Variants in NELL1 observed in about 807,000 individuals in gnomAD.
NELL1 encodes neural EGFL like 1.
NELL1 carries 76 observed loss-of-function variants against 107.4 expected under a neutral mutation model. That is an observed-to-expected ratio of 0.71 (90% CI 0.59 to 0.86). The LOEUF is 0.86. NELL1 is among the 40% of genes least tolerant of loss of function. NELL1 has a pLI of 0.00. For synonymous variants in NELL1, 353 were observed against 341.2 expected (o/e 1.03, Z -0.38); for missense variants, 1,024 against 1,005.5 (o/e 1.02, Z -0.25).
intron 3 of NELL1, 42 bp from the exon 4 acceptor site, chr11:20,847,541 C>A: frequency 2.5e-6 from 4 of 1,584,664 alleles, no homozygotes; most frequent in South Asian, 1.2e-5. Flanking sequence ...GCTGTGATAT[C>A]CAGAACTAAA....
intron 15 of NELL1, among the ~76,000 whole-genome samples, chr11:21,420,187 G>A (rs567031500): frequency 1.4e-3 from 212 of 152,114 alleles, no homozygotes; most frequent in African/African-American, 4.7e-3. Context: ...CAACTTTGTC[G>A]CATAACAAGT....
intron 12 of NELL1, among the ~76,000 whole-genome samples, chr11:20,988,423 A>G (rs1159184387): frequency 7.9e-6 from 1 of 126,108 alleles, no homozygotes; most frequent in African/African-American, 3.4e-5. Context: ...ACATGTACAT[A>G]TGTGTGTATA....
chr11:20,755,865 GTTTTTTTTTTTTTTTTTTTTTT>G (rs574606148), intron 2 of NELL1, among the ~76,000 whole-genome samples: 12 of 122,066 alleles, frequency 9.8e-5, no homozygotes, highest in Non-Finnish European at 1.3e-4. Context: ...CAGACCTGCG[GTTTTTTTTTTTTTTTTTTTTTT>G]TTTTTTTTTT....
rs68140364 is a variant in NELL1 at position 20,981,956 on chromosome 11, T to TTCTCTCTCTCTCTC, written c.1300+21408_1300+21421dup. Among the ~76,000 whole-genome samples, 453 of 148,622 alleles carry TTCTCTCTCTCTCTC rather than the reference T, an allele frequency of 3.0e-3. 1 individual carries two copies. The highest frequency in any genetic ancestry group is 0.013 in the East Asian group (67 of 5,032). On this transcript the variant is annotated intron_variant, in intron 12 of 19. Coordinates refer to ENST00000357134, the MANE Select transcript of NELL1 (RefSeq NM_006157.5). ...ACAATGTCACCAGGGCTCTCTCTCT[T>TTCTCTCTCTCTCTC]TCTCTCTCTCTCTCTCTCTCTCTCT...
chr11:20,712,586 C>G (rs906168753), intron 2 of NELL1, among the ~76,000 whole-genome samples: 1 of 152,080 alleles, frequency 6.6e-6, no homozygotes, highest in Non-Finnish European at 1.5e-5. Flanking sequence ...TTTTTTGGTT[C>G]CTTCTCTTTT....
At chr11:21,439,867 C>T (rs1853233540) in intron 15 of NELL1, among the ~76,000 whole-genome samples, 1 of 152,072 alleles carries the variant, frequency 6.6e-6, no homozygotes, top group African/African-American at 2.4e-5. Flanking sequence ...TTTCCAAACT[C>T]TTACTATATT....
Position 21,181,601 on chromosome 11 carries a change from G to A in NELL1, c.1427-47731G>A, listed in dbSNP as rs1264028409. 3.9e-5 allele frequency among the ~76,000 whole-genome samples: 6 copies of A among 151,924 alleles called. No individual in the cohort carries two copies. In the East Asian group the frequency reaches 9.7e-4, roughly 24 times the overall value. ...TTTAAGGAAACAGCTGGGAAATTAT[G>A]CCTCTTGTTTGCTGTCTCTGAACTA... is the stretch of plus-strand genomic sequence containing the variant. On this transcript the variant is annotated intron_variant, in intron 13 of 19. Transcript: ENST00000357134.
chr11:21,435,691 A>G lies in NELL1; in HGVS notation c.1645+64743A>G, dbSNP rs116464492. ...GATAAATCCCATTTGATCATGGTGT[A>G]TTATATGTTGGTGTATTGCTGGGTT... On this transcript the variant is annotated intron_variant, in intron 15 of 19. Transcript: ENST00000357134. Among the ~76,000 whole-genome samples, 821 of 151,918 alleles carry G rather than the reference A, an allele frequency of 5.4e-3. 6 individuals are homozygous for G. Among genetic ancestry groups the G allele is most frequent in the African/African-American group, 0.017 (703 of 41,446 alleles).
At chr11:21,472,554 G>A (rs147473944) in intron 15 of NELL1, among the ~76,000 whole-genome samples, 10 of 152,010 alleles carry the variant, frequency 6.6e-5, no homozygotes, top group East Asian at 1.9e-4. Flanking sequence ...TACTTGTTAC[G>A]TGTCTTGTTA....
chr11:20,765,340 T>A (rs1856506900), intron 2 of NELL1, among the ~76,000 whole-genome samples: 1 of 152,192 alleles, frequency 6.6e-6, no homozygotes, highest in African/African-American at 2.4e-5. Context: ...GGATTACCAG[T>A]CATCCATCCA....
chr11:20,736,023 C>G (rs1422746091), intron 2 of NELL1, among the ~76,000 whole-genome samples: 1 of 151,844 alleles, frequency 6.6e-6, no homozygotes, highest in Admixed American at 6.6e-5. Context: ...GTAAGCTGAT[C>G]CTTGGCATCA....
At chr11:20,918,334 C>A in intron 6 of NELL1, 80 bp downstream of exon 6, 2 of 867,522 alleles carry the variant, frequency 2.3e-6, no homozygotes, top group South Asian at 1.5e-5. Context: ...AAAGATAGAC[C>A]CAAATTGTTT....
intron 13 of NELL1, among the ~76,000 whole-genome samples, chr11:21,167,516 G>A (rs1212212204): frequency 6.6e-6 from 1 of 151,800 alleles, no homozygotes; most frequent in Non-Finnish European, 1.5e-5. Flanking sequence ...AAGAAATAGG[G>A]AACTTTTCCT....
intron 13 of NELL1, among the ~76,000 whole-genome samples, chr11:21,156,345 C>T (rs1291643758): frequency 1.3e-5 from 2 of 152,116 alleles, no homozygotes; most frequent in Admixed American, 6.6e-5. Context: ...TTGCCTCTGC[C>T]AGAGTAGAGA....
chr11:21,035,488 A>T (rs1853068177), intron 12 of NELL1, among the ~76,000 whole-genome samples: 1 of 148,004 alleles, frequency 6.8e-6, no homozygotes, highest in African/African-American at 2.5e-5. Context: ...AAAAAAAAAA[A>T]TAAAACTGGC....
chr11:21,554,451 C>T (rs527286985), intron 16 of NELL1, among the ~76,000 whole-genome samples: 22 of 151,712 alleles, frequency 1.5e-4, no homozygotes, highest in Non-Finnish European at 2.5e-4. Context: ...TCAGAATTCA[C>T]GTGGAAATCC....
intron 12 of NELL1, among the ~76,000 whole-genome samples, chr11:21,018,174 A>G (rs1852613658): frequency 1.3e-5 from 2 of 152,114 alleles, no homozygotes; most frequent in African/African-American, 2.4e-5. Flanking sequence ...TTAATTATGC[A>G]GGATGTTTGG....
intron 13 of NELL1, among the ~76,000 whole-genome samples, chr11:21,156,279 C>T (rs78583230): frequency 0.011 from 1,672 of 152,206 alleles, 39 homozygotes; most frequent in African/African-American, 0.038. Context: ...GGAAATCATA[C>T]GTTTTAAGCA....
At chr11:21,163,921 C>T (rs1315734467) in intron 13 of NELL1, among the ~76,000 whole-genome samples, 1 of 152,074 alleles carries the variant, frequency 6.6e-6, no homozygotes, top group Non-Finnish European at 1.5e-5. Context: ...GGTAAAGATG[C>T]AGTCTCTAAC....
Sources: gnomAD v4.1 joint callset for allele counts (sites outside exome capture counted in the v4.1 genomes callset) on GRCh38, gnomAD v4.1.1 for gene constraint, MANE v1.5 for transcripts, NCBI Gene and HGNC (gene_info 2026-07-23, HGNC 2026-07-21) for gene names.